Variants in HELZ observed in about 807,000 individuals in gnomAD.
HELZ encodes helicase with zinc finger.
A neutral mutation model predicts 218.2 loss-of-function variants in HELZ; 23 were observed. The observed-to-expected ratio is 0.11, with a 90% CI of 0.08 to 0.15. HELZ has a LOEUF of 0.15. Ranked by LOEUF, HELZ falls within the 10% of genes least tolerant of loss-of-function variation. The pLI is 1.00. For synonymous variants in HELZ, 814 were observed against 829.4 expected, an observed-to-expected ratio of 0.98 and a Z score of 0.32; for missense variants, 1,813 against 2,353.7, an observed-to-expected ratio of 0.77 and a Z score of 4.75.
At chr17:67,099,079 G>A (rs527809478) in intron 31 of HELZ, among the ~76,000 whole-genome samples, 38 of 152,164 alleles carry the variant, frequency 2.5e-4, no homozygotes, top group African/African-American at 9.2e-4. Context: ...AGCTTTGTGG[G>A]CCCCTAGGCT....
rs138836489 is a variant in HELZ, at chr17:67,071,100, C to T, written c.*7152G>A. The stretch of plus-strand genomic sequence containing the variant: ...ACCATATTTACCTAGGATACAACTA[C>T]TACATATAGCCAGTACCTTTATGGG... On this transcript the variant is annotated 3_prime_UTR_variant, in exon 33 of 33. Transcript: ENST00000358691. The T allele has an allele frequency of 1.3e-3, 200 of 152,470 alleles. No homozygotes were observed. Among genetic ancestry groups the T allele is most frequent in the Non-Finnish European group, 2.5e-3 (170 of 68,020 alleles). 9.4% of individuals were successfully genotyped at this position (152,470 alleles called of 1,614,324 possible). A position where few individuals can be genotyped will look rare whatever the true frequency, so the allele number is the denominator to read the frequency against.
intron 5 of HELZ, among the ~76,000 whole-genome samples, chr17:67,206,623 A>T (rs1598421933): frequency 7.1e-6 from 1 of 139,916 alleles, no homozygotes; most frequent in African/African-American, 2.8e-5. Flanking sequence ...TTTAAGACGG[A>T]GTTTCACTCT....
intron 27 of HELZ, among the ~76,000 whole-genome samples, chr17:67,116,284 T>C (rs1296230698): frequency 6.6e-6 from 1 of 151,008 alleles, no homozygotes; most frequent in Non-Finnish European, 1.5e-5. Context: ...ATTGGACAAA[T>C]TGAAAACAAA....
At chr17:67,086,746 G>A (rs2036405074) in intron 32 of HELZ, 83 bp downstream of exon 32, 1 of 1,430,074 alleles carries the variant, frequency 7.0e-7, no homozygotes, top group South Asian at 1.2e-5. Context: ...GCAAATTGGG[G>A]GCAGGTGGTA....
At chr17:67,088,885 C>T in intron 31 of HELZ, among the ~76,000 whole-genome samples, 1 of 152,186 alleles carries the variant, frequency 6.6e-6, no homozygotes, top group Admixed American at 6.5e-5. Flanking sequence ...TTGTCTAAGG[C>T]ATTCAATTAC....
intron 12 of HELZ, among the ~76,000 whole-genome samples, chr17:67,184,411 T>C (rs571896434): frequency 1.8e-4 from 27 of 152,298 alleles, no homozygotes; most frequent in Middle Eastern, 6.8e-3. Context: ...CCAGCATTCA[T>C]TTAAGGACAA....
intron 4 of HELZ, 58 bp downstream of exon 4, chr17:67,218,537 C>T: frequency 7.7e-7 from 1 of 1,294,626 alleles, no homozygotes; most frequent in Non-Finnish European, 1.1e-6. Context: ...CGTCACCCCT[C>T]AATGAAAAAG....
Position 67,109,360 on chromosome 17 carries a change from T to C in HELZ, c.4245A>G (p.Pro1415=), listed in dbSNP as rs1567808040. The part of the protein sequence containing the change: ...QSQLNQQPQQ[P]PPQLSPAYQA... ...GATATGCAGGAGAAAGCTGAGGAGG[T>C]GGCTGCTGAGGCTGCTGATTCAACT... Residue 1415 remains proline, a synonymous_variant, in exon 29 of 33, where the codon CCA becomes CCG. Coordinates refer to ENST00000358691, the MANE Select transcript of HELZ (RefSeq NM_014877.4). The C allele has an allele frequency of 6.2e-7, 1 of 1,614,046 alleles. No homozygotes were observed. Among genetic ancestry groups the C allele is most frequent in the Non-Finnish European group, 8.5e-7 (1 of 1,180,026 alleles).
At chr17:67,157,968 T>A (rs752404256) in intron 17 of HELZ, among the ~76,000 whole-genome samples, 6 of 152,204 alleles carry the variant, frequency 3.9e-5, no homozygotes, top group Non-Finnish European at 8.8e-5. Context: ...TTCCCCTCTA[T>A]TCCATTTTAA....
intron 23 of HELZ, among the ~76,000 whole-genome samples, chr17:67,133,060 C>T (rs2038035745): frequency 1.3e-5 from 2 of 152,116 alleles, no homozygotes; most frequent in South Asian, 2.1e-4. Flanking sequence ...TCCATATGCC[C>T]CAACTATCAA....
At chr17:67,090,951 T>TG (rs2036558185) in intron 31 of HELZ, among the ~76,000 whole-genome samples, 1 of 152,066 alleles carries the variant, frequency 6.6e-6, no homozygotes, top group Non-Finnish European at 1.5e-5. Context: ...TCTAATTTCT[T>TG]GGGGTATAAG....
chr17:67,175,353 GCATAGA>G (rs1421654445), intron 13 of HELZ, among the ~76,000 whole-genome samples: 1 of 152,090 alleles, frequency 6.6e-6, no homozygotes, highest in Non-Finnish European at 1.5e-5. Context: ...CTTAGTAGCT[GCATAGA>G]CACCTCCCCC....
At chr17:67,183,022 T>C (rs2039656605) in intron 12 of HELZ, among the ~76,000 whole-genome samples, 1 of 152,234 alleles carries the variant, frequency 6.6e-6, no homozygotes, top group Admixed American at 6.5e-5. Context: ...GTGTTAAATA[T>C]GGAATTTATT....
upstream of HELZ, chr17:67,245,441 C>T: frequency 9.2e-6 from 9 of 979,744 alleles, no homozygotes; most frequent in Non-Finnish European, 1.1e-5. Context: ...CCCGGCCTCC[C>T]TGCCCCCACG....
intron 31 of HELZ, among the ~76,000 whole-genome samples, chr17:67,101,548 C>A (rs1378861159): frequency 6.6e-6 from 1 of 152,180 alleles, no homozygotes; most frequent in Non-Finnish European, 1.5e-5. Context: ...ACATCTTACT[C>A]AGAGGTTAGA....
intron 5 of HELZ, 139 bp downstream of exon 5, chr17:67,215,760 A>C (rs10512514): frequency 0.35 from 236,391 of 680,164 alleles, 46,583 homozygotes; most frequent in East Asian, 0.68. Context: ...TGGGAATGTC[A>C]TCATCCAAAT....
intron 3 of HELZ, among the ~76,000 whole-genome samples, chr17:67,237,952 C>T (rs535929362): frequency 7.4e-5 from 11 of 148,920 alleles, no homozygotes; most frequent in Non-Finnish European, 1.6e-4. Flanking sequence ...CGCCCCATTG[C>T]ACTCCAGCCT....
Position 67,128,861 on chromosome 17 carries a change from G to T in HELZ, c.3183-6C>A. 1 of 1,604,510 alleles carries T rather than the reference G, an allele frequency of 6.2e-7. No homozygotes were observed. The highest frequency in any genetic ancestry group is 8.5e-7 in the Non-Finnish European group (1 of 1,171,532). The stretch of plus-strand genomic sequence containing the variant: ...TAAACCGTTCCCAAAATTTCCTACA[G>T]AAAAGATTTACAAGATCAGATTACA... On this transcript the variant is annotated splice_region_variant and splice_polypyrimidine_tract_variant and intron_variant, in intron 23 of 32. Coordinates refer to ENST00000358691, the MANE Select transcript of HELZ (RefSeq NM_014877.4).
intron 15 of HELZ, among the ~76,000 whole-genome samples, chr17:67,162,143 T>C (rs899769007): frequency 6.6e-6 from 1 of 152,148 alleles, no homozygotes; most frequent in Non-Finnish European, 1.5e-5. Context: ...TGGCCAGGCA[T>C]GGTGGCTCAT....
Sources: allele counts gnomAD v4.1 joint callset (sites outside exome capture counted in the v4.1 genomes callset), GRCh38; gene constraint gnomAD v4.1.1; transcripts MANE v1.5; gene names NCBI Gene and HGNC (gene_info 2026-07-23, HGNC 2026-07-21).